FBXO21: variants seen among roughly 807,000 people sequenced by gnomAD.
FBXO21 encodes F-box only protein 21.
FBXO21 carries 32 observed loss-of-function variants against 76.6 expected under a neutral mutation model. The ratio of observed to expected loss-of-function variants is 0.42; its 90% CI spans 0.32 to 0.56. The LOEUF (loss-of-function observed/expected upper bound fraction) is 0.56, where lower values mean the gene tolerates loss of function less well. FBXO21 is among the 20% of genes least tolerant of loss of function. FBXO21 has a pLI of 0.16. For synonymous variants in FBXO21, 328 were observed against 311.5 expected (o/e 1.05, Z -0.56); for missense variants, 586 against 797.3 (o/e 0.73, Z 3.19).
chr12:117,179,814 T>C (rs1445221956), intron 3 of FBXO21, among the ~76,000 whole-genome samples: 1 of 152,208 alleles, frequency 6.6e-6, no homozygotes, highest in Non-Finnish European at 1.5e-5. Context: ...GGGATACTTC[T>C]ATAAGGAAAA....
At position 117,157,952 on chromosome 12, in the gene FBXO21, C is replaced by T. The variant is rs1160271478; in HGVS notation, c.1438G>A (p.Gly480Ser). ...TCGGAGCGCAGCTTCACCTCTACGC[C>T]CACCTCCTCCTTTTTGCGCTCAATG... ...EHIERKKEEV[G>S]VEVKLRSDEK... Residue 480 changes from glycine (G) to serine (S), a missense_variant, in exon 10 of 12, where the codon GGC becomes AGC. By Grantham distance (56) the Gly-to-Ser change is moderately conservative. Coordinates refer to ENST00000622495, the MANE Select transcript of FBXO21 (RefSeq NM_015002.3). The T allele has an allele frequency of 1.9e-6, 3 of 1,614,042 alleles. No individual in the cohort carries two copies. The highest frequency in any genetic ancestry group is 1.3e-5 in the African/African-American group (1 of 74,926).
intron 11 of FBXO21, 161 bp downstream of exon 11, chr12:117,155,629 GC>G: frequency 1.3e-6 from 1 of 795,446 alleles, no homozygotes; most frequent in South Asian, 1.7e-5. Context: ...TGCAGACCCA[GC>G]CACGTTTAGC....
rs563786664 is a variant in FBXO21 at position 117,170,304 on chromosome 12, C to T, written c.1013+2167G>A. Among the ~76,000 whole-genome samples the T allele has an allele frequency of 7.2e-4, 109 of 152,246 alleles. 2 individuals carry two copies. The South Asian group carries it at 0.022, about 31-fold the overall frequency. ...TGATAGTGAGACATTGGCGATGTCC[C>T]CCTATTAATCTAGAACTCCAATTCA... On this transcript the variant is annotated intron_variant, in intron 7 of 11. Transcript: ENST00000622495.
chr12:117,169,058 G>A (rs1956090411), intron 7 of FBXO21, among the ~76,000 whole-genome samples: 1 of 152,106 alleles, frequency 6.6e-6, no homozygotes, highest in Non-Finnish European at 1.5e-5. Flanking sequence ...CAATAGCAAA[G>A]ACCTGGAATC....
chr12:117,179,193 A>G (rs1956205140), intron 3 of FBXO21, among the ~76,000 whole-genome samples: 1 of 152,208 alleles, frequency 6.6e-6, no homozygotes, highest in South Asian at 2.1e-4. Context: ...TCAATCTAGA[A>G]AATTGTGTGA....
intron 11 of FBXO21, among the ~76,000 whole-genome samples, chr12:117,154,610 G>A (rs956736006): frequency 1.3e-5 from 2 of 152,116 alleles, no homozygotes; most frequent in Non-Finnish European, 2.9e-5. Flanking sequence ...GAACACAGGT[G>A]CACATGACTC....
chr12:117,189,211 A>G lies in FBXO21; in HGVS notation c.375+16T>C. The G allele has an allele frequency of 1.2e-5, 19 of 1,614,202 alleles. No individual in the cohort carries two copies. The highest frequency in any genetic ancestry group is 1.6e-5 in the Non-Finnish European group (19 of 1,180,020). On this transcript the variant is annotated intron_variant, in intron 2 of 11. Coordinates refer to ENST00000622495, the MANE Select transcript of FBXO21 (RefSeq NM_015002.3). ...CCAGCAAGCCAAAGCTTAGAGCCAC[A>G]TCAACAGATCCTTACGTGCTCTGAA...
At chr12:117,159,416 G>A (rs1955953030) in intron 9 of FBXO21, among the ~76,000 whole-genome samples, 1 of 152,188 alleles carries the variant, frequency 6.6e-6, no homozygotes, top group Admixed American at 6.5e-5. Context: ...GAGTGAGGCT[G>A]TGGCTCTGGG....
chr12:117,182,480 C>A (rs1022662943), intron 3 of FBXO21, among the ~76,000 whole-genome samples: 1 of 151,584 alleles, frequency 6.6e-6, no homozygotes, highest in African/African-American at 2.4e-5. Context: ...CAGGATGAAA[C>A]CCTGTCTCAA....
intron 9 of FBXO21, among the ~76,000 whole-genome samples, chr12:117,164,186 T>C (rs545775530): frequency 3.5e-4 from 53 of 152,056 alleles, no homozygotes; most frequent in African/African-American, 1.2e-3. Context: ...GGTGGAAAGT[T>C]TTCTTTTCCA....
intron 3 of FBXO21, among the ~76,000 whole-genome samples, chr12:117,178,126 T>C (rs953755205): frequency 6.6e-6 from 1 of 152,204 alleles, no homozygotes; most frequent in Admixed American, 6.5e-5. Flanking sequence ...CCCACTCAGA[T>C]AGCTGAGCAC....
chr12:117,168,824 C>A (rs942040859), intron 7 of FBXO21, among the ~76,000 whole-genome samples: 4 of 152,184 alleles, frequency 2.6e-5, no homozygotes, highest in African/African-American at 7.2e-5. Context: ...TATTTTGTAA[C>A]AGATGCTAAG....
At chr12:117,174,530 G>T in intron 5 of FBXO21, 121 bp downstream of exon 5, 1 of 1,273,676 alleles carries the variant, frequency 7.9e-7, no homozygotes, top group South Asian at 1.4e-5. Flanking sequence ...GTAAACACGT[G>T]GTCACGTCAT....
At chr12:117,172,064 G>A (rs1340391702) in intron 7 of FBXO21, among the ~76,000 whole-genome samples, 6 of 151,976 alleles carry the variant, frequency 3.9e-5, no homozygotes, top group African/African-American at 9.7e-5. Context: ...GAGATTTTAC[G>A]GAAGAATGAA....
rs184645130 is a variant in FBXO21, at chr12:117,171,604, A to T, written c.1013+867T>A. 9.8e-5 allele frequency among the ~76,000 whole-genome samples: 15 copies of T among 152,292 alleles called. No homozygotes were observed. The East Asian group carries it at 1.7e-3, about 18-fold the overall frequency. On this transcript the variant is annotated intron_variant, in intron 7 of 11. Coordinates refer to ENST00000622495, the MANE Select transcript of FBXO21 (RefSeq NM_015002.3). ...TAATCTTCCAAGCTGCTTTATAAAA[A>T]ACATTAATCCATTTTACCAAGGAAG... is the stretch of plus-strand genomic sequence containing the variant.
At chr12:117,184,291 T>A (rs1213517126) in intron 3 of FBXO21, among the ~76,000 whole-genome samples, 1 of 152,160 alleles carries the variant, frequency 6.6e-6, no homozygotes, top group Non-Finnish European at 1.5e-5. Flanking sequence ...AGAACTGACA[T>A]TTTTTGTGAT....
chr12:117,147,897 C>T (rs1955795653), intron 11 of FBXO21, among the ~76,000 whole-genome samples: 1 of 152,242 alleles, frequency 6.6e-6, no homozygotes, highest in Admixed American at 6.5e-5. Context: ...TGAAGCCATC[C>T]TTGGCACTGC....
chr12:117,172,812 G>A (rs1222675391), intron 6 of FBXO21, among the ~76,000 whole-genome samples: 2 of 152,190 alleles, frequency 1.3e-5, no homozygotes, highest in Non-Finnish European at 2.9e-5. Context: ...TGTACAGCCT[G>A]TGTAAGAAGA....
intron 9 of FBXO21, among the ~76,000 whole-genome samples, chr12:117,162,488 A>G (rs909411973): frequency 1.3e-5 from 2 of 152,336 alleles, no homozygotes; most frequent in African/African-American, 4.8e-5. Context: ...TCTACCCTAT[A>G]GGGCTGCTAA....
Sources: gnomAD v4.1 joint callset for allele counts (sites outside exome capture counted in the v4.1 genomes callset) on GRCh38, gnomAD v4.1.1 for gene constraint, MANE v1.5 for transcripts, NCBI Gene and HGNC (gene_info 2026-07-23, HGNC 2026-07-21) for gene names.